Variants in EMCN observed in about 807,000 individuals in gnomAD.
The protein encoded by EMCN is endomucin, also known as MUC-14.
Under a neutral mutation model 38.4 loss-of-function variants are expected in EMCN, and 37 were observed. The ratio of observed to expected loss-of-function variants is 0.96; its 90% CI spans 0.74 to 1.27. The LOEUF is 1.27. Among genes scored for constraint, EMCN ranks in the 50% most tolerant of loss-of-function variants. The probability of loss-of-function intolerance (pLI) is 0.00; values close to 1 mark genes in which losing one functional copy is unlikely to be tolerated. For missense variants in EMCN, 318 were observed against 302.8 expected (o/e 1.05, Z -0.37); for synonymous variants, 95 against 100.8 (o/e 0.94, Z 0.35).
intron 1 of EMCN, among the ~76,000 whole-genome samples, chr4:100,489,441 T>C (rs970292765): frequency 6.6e-6 from 1 of 152,202 alleles, no homozygotes; most frequent in Non-Finnish European, 1.5e-5. Context: ...TGGAGTCATG[T>C]GACACATAAC....
At chr4:100,445,438 G>A (rs1021198005) in intron 5 of EMCN, among the ~76,000 whole-genome samples, 4 of 151,992 alleles carry the variant, frequency 2.6e-5, no homozygotes, top group African/African-American at 9.7e-5. Flanking sequence ...ACTTTTCAAG[G>A]AAATTAAAAC....
chr4:100,421,119 A>G (rs1299452518), intron 8 of EMCN, among the ~76,000 whole-genome samples, 163 bp downstream of exon 8: 1 of 152,068 alleles, frequency 6.6e-6, no homozygotes, highest in African/African-American at 2.4e-5. Flanking sequence ...GTTCACTAGC[A>G]TTCAGTGGGT....
chr4:100,440,221 A>C (rs1003596165), intron 5 of EMCN, among the ~76,000 whole-genome samples: 1 of 151,972 alleles, frequency 6.6e-6, no homozygotes, highest in African/African-American at 2.4e-5. Flanking sequence ...TTTTTAAATT[A>C]TTTTTTATTA....
At chr4:100,424,046 T>C (rs1726976938) in intron 5 of EMCN, among the ~76,000 whole-genome samples, 1 of 152,116 alleles carries the variant, frequency 6.6e-6, no homozygotes, top group Non-Finnish European at 1.5e-5. Flanking sequence ...AATTTATTGT[T>C]ATCGTTATTT....
intron 5 of EMCN, among the ~76,000 whole-genome samples, chr4:100,445,717 GA>G (rs1339633668): frequency 2.6e-5 from 4 of 151,952 alleles, no homozygotes; most frequent in Non-Finnish European, 5.9e-5. Flanking sequence ...TCTTTAATCT[GA>G]AAAAAACCAG....
intron 4 of EMCN, among the ~76,000 whole-genome samples, chr4:100,461,828 A>G (rs924994522): frequency 1.3e-5 from 2 of 152,238 alleles, no homozygotes; most frequent in East Asian, 1.9e-4. Flanking sequence ...TTCCTATCCA[A>G]GGAACCATTG....
chr4:100,427,468 T>G (rs1457599166), intron 5 of EMCN, among the ~76,000 whole-genome samples: 1 of 150,618 alleles, frequency 6.6e-6, no homozygotes, highest in South Asian at 2.1e-4. Context: ...TTTTTTTTTT[T>G]GTAGAGATAG....
intron 5 of EMCN, among the ~76,000 whole-genome samples, chr4:100,447,112 T>A (rs1727692737): frequency 1.3e-5 from 2 of 152,196 alleles, no homozygotes; most frequent in Admixed American, 6.6e-5. Flanking sequence ...CTAATTGGAA[T>A]GATAGCATTT....
intron 1 of EMCN, among the ~76,000 whole-genome samples, chr4:100,482,753 GAC>G (rs1728845405): frequency 1.3e-5 from 2 of 152,124 alleles, no homozygotes; most frequent in South Asian, 4.1e-4. Flanking sequence ...CCCTAGGAAA[GAC>G]AATGGGAAAA....
chr4:100,474,989 T>C (rs367731221), intron 3 of EMCN, 49 bp downstream of exon 3: 21 of 1,025,716 alleles, frequency 2.0e-5, no homozygotes, highest in African/African-American at 1.1e-4. Flanking sequence ...TATTATGTTA[T>C]GTGAATTATA....
intron 8 of EMCN, among the ~76,000 whole-genome samples, chr4:100,419,905 G>A (rs1329404169): frequency 6.6e-6 from 1 of 152,072 alleles, no homozygotes; most frequent in Non-Finnish European, 1.5e-5. Context: ...TCCATGCAAT[G>A]CATGGTGAGC....
At position 100,421,394 on chromosome 4, in the gene EMCN, A is replaced by G; in HGVS notation, c.569-17T>C. 2 of 1,601,140 alleles carry G rather than the reference A, an allele frequency of 1.2e-6. No individual in the cohort carries two copies. Among genetic ancestry groups the G allele is most frequent in the Non-Finnish European group, 1.7e-6 (2 of 1,169,034 alleles). ...AAATAATACCTAAAAAGAATTGGAG[A>G]CATTGTCAATTAGAGTGGCTACTGA... On this transcript the variant is annotated splice_polypyrimidine_tract_variant and intron_variant, in intron 7 of 11. Transcript: ENST00000296420.
At chr4:100,499,219 T>G (rs1269456755) in intron 1 of EMCN, among the ~76,000 whole-genome samples, 1 of 152,208 alleles carries the variant, frequency 6.6e-6, no homozygotes, top group Admixed American at 6.5e-5. Flanking sequence ...TTAAGTAAAC[T>G]CCCTTAAGTA....
intron 2 of EMCN, among the ~76,000 whole-genome samples, chr4:100,475,680 T>C (rs1304277364): frequency 7.8e-6 from 1 of 127,510 alleles, no homozygotes; most frequent in African/African-American, 3.1e-5. Flanking sequence ...TTTTTTTTTT[T>C]TTTTTTTTTT....
chr4:100,413,371 T>A (rs1726619408), intron 10 of EMCN, among the ~76,000 whole-genome samples: 1 of 152,178 alleles, frequency 6.6e-6, no homozygotes, highest in South Asian at 2.1e-4. Context: ...ATTTAAGTTT[T>A]TTTTTTCTAC....
At chr4:100,491,654 G>C (rs751789571) in intron 1 of EMCN, among the ~76,000 whole-genome samples, 5 of 152,190 alleles carry the variant, frequency 3.3e-5, no homozygotes, top group Admixed American at 1.3e-4. Context: ...GGTACCACTT[G>C]ACCAAGGAAT....
At chr4:100,424,180 T>C (rs779215489) in intron 5 of EMCN, among the ~76,000 whole-genome samples, 1 of 152,142 alleles carries the variant, frequency 6.6e-6, no homozygotes, top group Non-Finnish European at 1.5e-5. Flanking sequence ...TAATTAAGTA[T>C]TGTATAAGTT....
intron 11 of EMCN, among the ~76,000 whole-genome samples, chr4:100,402,818 CT>C (rs1192522151): frequency 1.3e-5 from 2 of 152,014 alleles, no homozygotes; most frequent in Non-Finnish European, 2.9e-5. Context: ...TTCTTTCTTT[CT>C]TTTTTCTTTT....
At chr4:100,422,789 C>T (rs1005765866) in intron 7 of EMCN, among the ~76,000 whole-genome samples, 6 of 149,562 alleles carry the variant, frequency 4.0e-5, no homozygotes, top group Admixed American at 2.7e-4. Flanking sequence ...GCTTTTTTTC[C>T]TCTTCTGTTT....
Sources: allele counts gnomAD v4.1 joint callset (sites outside exome capture counted in the v4.1 genomes callset), GRCh38; gene constraint gnomAD v4.1.1; transcripts MANE v1.5; gene names NCBI Gene and HGNC (gene_info 2026-07-23, HGNC 2026-07-21).